The following CCDC50 variants were observed in gnomAD, a reference collection of about 807,000 sequenced individuals.
The protein encoded by CCDC50 is coiled-coil domain-containing protein 50.
A neutral mutation model predicts 70.2 loss-of-function variants in CCDC50; 54 were observed. The ratio of observed to expected loss-of-function variants is 0.77; its 90% CI spans 0.62 to 0.96. CCDC50 has a LOEUF of 0.96. Among genes scored for constraint, CCDC50 ranks in the 50% least tolerant of loss-of-function variants. CCDC50 has a pLI of 0.00. For missense variants in CCDC50, 558 were observed against 578.7 expected (o/e 0.96, Z 0.37); for synonymous variants, 216 against 198.8 (o/e 1.09, Z -0.73).
intron 5 of CCDC50, among the ~76,000 whole-genome samples, chr3:191,373,946 G>T (rs9856546): frequency 0.01 from 1,577 of 152,186 alleles, 24 homozygotes; most frequent in African/African-American, 0.035. Context: ...CAGTTTAAAG[G>T]AAAACGTATA....
In CCDC50 at chr3:191,329,541, G is replaced by A; in HGVS notation, c.-134G>A. On this transcript the variant is annotated 5_prime_UTR_variant, in exon 1 of 12. Coordinates refer to ENST00000392455, the MANE Select transcript of CCDC50 (RefSeq NM_178335.3). ...AGCCCCTGCCCGCCCGACCCGCTCC[G>A]TTCTCCGGCCTGCGAGCCCTGCCGG... The A allele has an allele frequency of 1.2e-6, 1 of 801,342 alleles. No homozygotes were observed. Among genetic ancestry groups the A allele is most frequent in the Non-Finnish European group, 1.9e-6 (1 of 534,026 alleles). 49.6% of individuals were successfully genotyped at this position (801,342 alleles called of 1,614,324 possible).
rs1717867203 is a variant in CCDC50 at position 191,329,500 on chromosome 3, C to T, written c.-175C>T. On this transcript the variant is annotated 5_prime_UTR_variant, in exon 1 of 12. Coordinates refer to ENST00000392455, the MANE Select transcript of CCDC50 (RefSeq NM_178335.3). ...GCTTGGTGCCTCGGGGACCGTCTCCCGCTGCTTTGGTCACCAGCCCCTGCC... is the reference window on the plus strand; with the variant it reads ...GCTTGGTGCCTCGGGGACCGTCTCCTGCTGCTTTGGTCACCAGCCCCTGCC... 1 of 554,634 alleles carries T rather than the reference C, an allele frequency of 1.8e-6. No homozygotes were observed. Among genetic ancestry groups the T allele is most frequent in the Non-Finnish European group, 3.0e-6 (1 of 328,474 alleles). The allele number at this position is 554,634 out of a possible 1,614,324, so 34.4% of individuals were successfully genotyped here.
At chr3:191,336,543 C>T (rs935017459) in intron 1 of CCDC50, among the ~76,000 whole-genome samples, 4 of 151,906 alleles carry the variant, frequency 2.6e-5, no homozygotes, top group African/African-American at 7.3e-5. Flanking sequence ...TTTGGGAGTT[C>T]TTTACATATT....
At chr3:191,365,427 A>C (rs1712650200) in intron 4 of CCDC50, among the ~76,000 whole-genome samples, 1 of 152,140 alleles carries the variant, frequency 6.6e-6, no homozygotes, top group Non-Finnish European at 1.5e-5. Context: ...TTAGCTATTA[A>C]AAATTTTCCT....
At chr3:191,391,270 TCTAGA>T (rs1374123907) in intron 11 of CCDC50, among the ~76,000 whole-genome samples, 1 of 152,182 alleles carries the variant, frequency 6.6e-6, no homozygotes, top group Non-Finnish European at 1.5e-5. Context: ...AAAATGACAC[TCTAGA>T]CTACTTCAAT....
rs183798255 is a variant in CCDC50 at position 191,339,139 on chromosome 3, T to A, written c.49+9416T>A. Among the ~76,000 whole-genome samples, 5 of 152,308 alleles carry A rather than the reference T, an allele frequency of 3.3e-5. No individual in the cohort carries two copies. In the East Asian group the frequency reaches 9.6e-4, roughly 29 times the overall value. ...AAAGTTTTGGGTTGGAAACAATGAA[T>A]ATACAGATTGCAAACTTGTCATGGT... On this transcript the variant is annotated intron_variant, in intron 1 of 11. Coordinates refer to ENST00000392455, the MANE Select transcript of CCDC50 (RefSeq NM_178335.3).
In CCDC50 at chr3:191,397,521, TCTA is replaced by T. The variant is rs1713899302; in HGVS notation, c.*5762_*5764del. ...AAAAATGATGCTCCAAAATGAGAAT[TCTA>T]TATGGGGCTTTCCCTAAGAAGAATC... On this transcript the variant is annotated 3_prime_UTR_variant, in exon 12 of 12. Transcript: ENST00000392455. 2.0e-5 allele frequency: 3 copies of T among 152,198 alleles called. No individual in the cohort carries two copies. In the South Asian group the frequency reaches 6.2e-4, roughly 32 times the overall value. The allele number at this position is 152,198 out of a possible 1,614,324, so 9.4% of individuals were successfully genotyped here.
intron 1 of CCDC50, among the ~76,000 whole-genome samples, chr3:191,344,384 G>C (rs1711837756): frequency 6.6e-6 from 1 of 152,118 alleles, no homozygotes; most frequent in Admixed American, 6.5e-5. Flanking sequence ...TTTAGCACTA[G>C]GAATATGATT....
intron 1 of CCDC50, among the ~76,000 whole-genome samples, chr3:191,352,389 GTCC>G (rs1025736910): frequency 1.4e-5 from 2 of 141,940 alleles, no homozygotes; most frequent in Admixed American, 7.2e-5. Flanking sequence ...ATGTCAGCCA[GTCC>G]TCCTTTCCAT....
intron 1 of CCDC50, among the ~76,000 whole-genome samples, chr3:191,335,896 A>G (rs1240986573): frequency 6.6e-6 from 1 of 152,086 alleles, no homozygotes; most frequent in Non-Finnish European, 1.5e-5. Context: ...AAGATACAGA[A>G]CAGTTCCTAA....
chr3:191,340,246 T>C (rs1423530751), intron 1 of CCDC50, among the ~76,000 whole-genome samples: 1 of 152,196 alleles, frequency 6.6e-6, no homozygotes, highest in Non-Finnish European at 1.5e-5. Flanking sequence ...AAGACTAAAA[T>C]TCTGACAGGT....
intron 9 of CCDC50, among the ~76,000 whole-genome samples, chr3:191,382,032 TTCTAATA>T (rs1713337497): frequency 6.6e-6 from 1 of 152,154 alleles, no homozygotes; most frequent in Non-Finnish European, 1.5e-5. Flanking sequence ...TCAAGATTTT[TTCTAATA>T]TACTGTTTTA....
In CCDC50 at chr3:191,329,517, GCCCCTGC is replaced by G; in HGVS notation, c.-155_-149del. Reference sequence around the variant, plus strand: ...CCGTCTCCCGCTGCTTTGGTCACCAGCCCCTGCCCGCCCGACCCGCTCCGTTCTCCGG... The same window carrying G: ...CCGTCTCCCGCTGCTTTGGTCACCAGCCGCCCGACCCGCTCCGTTCTCCGG... On this transcript the variant is annotated 5_prime_UTR_variant, in exon 1 of 12. Transcript: ENST00000392455. 1.6e-6 allele frequency: 1 copy of G among 628,166 alleles called. No individual in the cohort carries two copies. The allele number at this position is 628,166 out of a possible 1,614,324, so 38.9% of individuals were successfully genotyped here. A position where few individuals can be genotyped will look rare whatever the true frequency, so the allele number is the denominator to read the frequency against.
chr3:191,390,007 T>C lies in CCDC50; in HGVS notation c.1429+405T>C, dbSNP rs865803984. On this transcript the variant is annotated intron_variant, in intron 11 of 11. Coordinates refer to ENST00000392455, the MANE Select transcript of CCDC50 (RefSeq NM_178335.3). ...TCCCAAGTAGCTGGGATTACAGACA[T>C]GTGCCACCACACTTGGCTAATTTCT... Among the ~76,000 whole-genome samples the C allele has an allele frequency of 2.3e-4, 34 of 150,968 alleles. 1 individual carries two copies. The highest frequency in any genetic ancestry group is 7.0e-4 in the African/African-American group (29 of 41,350).
At chr3:191,385,174 T>A (rs445914) in intron 10 of CCDC50, among the ~76,000 whole-genome samples, 1 of 152,066 alleles carries the variant, frequency 6.6e-6, no homozygotes, top group Non-Finnish European at 1.5e-5. Flanking sequence ...TTTGGGTATA[T>A]ACCCAGTAAT....
At chr3:191,349,966 A>ACACCCCC (rs1712049355) in intron 1 of CCDC50, among the ~76,000 whole-genome samples, 1 of 105,622 alleles carries the variant, frequency 9.5e-6, no homozygotes, top group Non-Finnish European at 2.2e-5. Context: ...ATTTAATAAT[A>ACACCCCC]CCCCCCCCCT....
At position 191,369,906 on chromosome 3, in the gene CCDC50, C is replaced by T. The variant is rs1712837410; in HGVS notation, c.331-13C>T. 1.3e-6 allele frequency: 2 copies of T among 1,579,648 alleles called. No homozygotes were observed. The highest frequency in any genetic ancestry group is 1.1e-5 in the South Asian group (1 of 90,336). ...TGGTAATGTGTATTTCCATTCTCCTCTTGTCTTTGCAGGACATAGCTCGCC... is the reference window on the plus strand; with the variant it reads ...TGGTAATGTGTATTTCCATTCTCCTTTTGTCTTTGCAGGACATAGCTCGCC... On this transcript the variant is annotated splice_polypyrimidine_tract_variant and intron_variant, in intron 4 of 11. Transcript: ENST00000392455.
At chr3:191,370,277 A>G (rs1712857960) in intron 5 of CCDC50, 2 of 383,522 alleles carry the variant, frequency 5.2e-6, no homozygotes, top group African/African-American at 4.2e-5. Flanking sequence ...GGTTTGTTAC[A>G]TATAGATACA....
intron 1 of CCDC50, among the ~76,000 whole-genome samples, chr3:191,344,230 G>A (rs1229058300): frequency 6.6e-6 from 1 of 152,192 alleles, no homozygotes; most frequent in African/African-American, 2.4e-5. Context: ...TCACTGAGTG[G>A]TCCAGTTGTC....
Sources: gnomAD v4.1 joint callset for allele counts (sites outside exome capture counted in the v4.1 genomes callset) on GRCh38, gnomAD v4.1.1 for gene constraint, MANE v1.5 for transcripts, NCBI Gene and HGNC (gene_info 2026-07-23, HGNC 2026-07-21) for gene names.